Variants in DENND4C observed in about 807,000 individuals in gnomAD.
DENND4C encodes DENN domain-containing protein 4C.
Under a neutral mutation model 203.0 loss-of-function variants are expected in DENND4C, and 108 were observed. That is an observed-to-expected ratio of 0.53 (90% CI 0.46 to 0.62). The LOEUF (loss-of-function observed/expected upper bound fraction) is 0.62. Ranked by LOEUF, DENND4C falls within the 20% of genes least tolerant of loss-of-function variation. DENND4C has a pLI of 0.00. For synonymous variants in DENND4C, 871 were observed against 792.4 expected (o/e 1.10, Z -1.67); for missense variants, 2,481 against 2,301.2 (o/e 1.08, Z -1.60).
At chr9:19,297,802 T>G (rs1332881022) in intron 6 of DENND4C, among the ~76,000 whole-genome samples, 2 of 152,174 alleles carry the variant, frequency 1.3e-5, no homozygotes, top group African/African-American at 4.8e-5. Context: ...ACTATTTTTA[T>G]GTTATTTTTA....
At chr9:19,295,361 T>C (rs1350854580) in intron 5 of DENND4C, among the ~76,000 whole-genome samples, 28 of 151,860 alleles carry the variant, frequency 1.8e-4, no homozygotes, top group Admixed American at 1.8e-3. Context: ...AAAAATTAGC[T>C]AGGTGTGGTG....
Position 19,372,943 on chromosome 9 carries a change from G to A in DENND4C, c.*770G>A, listed in dbSNP as rs1175754510. 1 of 151,046 alleles carries A rather than the reference G, an allele frequency of 6.6e-6. No homozygotes were observed. The allele number at this position is 151,046 out of a possible 1,614,324, so 9.4% of individuals were successfully genotyped here. ...GGCTGTGTAGGTATGTGTATATACA[G>A]CCATATTCTAAGTGTATATTTATTA... On this transcript the variant is annotated 3_prime_UTR_variant, in exon 33 of 33. Coordinates refer to ENST00000434457, the MANE Select transcript of DENND4C (RefSeq NM_001330640.2).
chr9:19,305,368 A>G lies in DENND4C; in HGVS notation c.1328A>G (p.Gln443Arg). 6.2e-7 allele frequency: 1 copy of G among 1,601,562 alleles called. No homozygotes were observed. The change falls in exon 10 of 33, where the codon CAG (glutamine) becomes CGG (arginine). Residue 443 changes from glutamine to arginine, a missense_variant. Around this residue, in one of 3 missense-constraint regions of DENND4C, gnomAD observed 2,289 missense variants for 2,113.3 expected, o/e 1.08. Coordinates refer to ENST00000434457, the MANE Select transcript of DENND4C (RefSeq NM_001330640.2). The stretch of plus-strand genomic sequence containing the variant: ...TTTCCCCAGATGATCTTTCCATTTC[A>G]GTGGCAATGCCCATATATTCCCCTT... ...EAVVAMIFPF[Q>R]WQCPYIPLCP...
At chr9:19,275,997 A>G (rs1010372465) in intron 1 of DENND4C, among the ~76,000 whole-genome samples, 161 bp from the exon 2 acceptor site, 1 of 152,156 alleles carries the variant, frequency 6.6e-6, no homozygotes, top group Admixed American at 6.5e-5. Flanking sequence ...GCTTTTACCA[A>G]CTGACAAGAT....
intron 23 of DENND4C, among the ~76,000 whole-genome samples, chr9:19,348,327 C>T (rs1450653857): frequency 3.9e-5 from 6 of 151,904 alleles, no homozygotes; most frequent in Non-Finnish European, 7.4e-5. Flanking sequence ...ACCTTAGAAG[C>T]GATATCTCAG....
In DENND4C at chr9:19,314,666, A is replaced by C. The variant is rs377590998; in HGVS notation, c.1488-1751A>C. ...TGCTTAGAAAAAAAAACTGCATGTG[A>C]ACTGCACTGAGTGCTAAAGAAAAAT... is the stretch of plus-strand genomic sequence containing the variant. On this transcript the variant is annotated intron_variant, in intron 10 of 32. Transcript: ENST00000434457. 1.7e-4 allele frequency among the ~76,000 whole-genome samples: 26 copies of C among 152,350 alleles called. No homozygotes were observed. The East Asian group carries it at 3.7e-3, about 21-fold the overall frequency.
intron 4 of DENND4C, among the ~76,000 whole-genome samples, chr9:19,290,083 A>G (rs929545478): frequency 1.3e-5 from 2 of 152,200 alleles, no homozygotes; most frequent in Admixed American, 6.5e-5. Flanking sequence ...GATGGTCTAT[A>G]TATTGATGAC....
intron 2 of DENND4C, among the ~76,000 whole-genome samples, chr9:19,278,107 G>A (rs573897501): frequency 7.2e-6 from 1 of 138,376 alleles, no homozygotes; most frequent in Non-Finnish European, 1.6e-5. Context: ...TTGGTTGCTG[G>A]TTGTTCTCTT....
At chr9:19,312,852 C>T (rs1841017974) in intron 10 of DENND4C, among the ~76,000 whole-genome samples, 1 of 152,168 alleles carries the variant, frequency 6.6e-6, no homozygotes, top group African/African-American at 2.4e-5. Context: ...CTTTTCTTCT[C>T]ATTAATACGT....
chr9:19,292,105 A>G (rs887213614), intron 5 of DENND4C, among the ~76,000 whole-genome samples: 9 of 151,998 alleles, frequency 5.9e-5, no homozygotes, highest in Admixed American at 2.0e-4. Flanking sequence ...GCTCACTGCA[A>G]CCTCCACCTA....
chr9:19,359,095 A>G (rs1290049130), intron 28 of DENND4C, among the ~76,000 whole-genome samples: 1 of 151,840 alleles, frequency 6.6e-6, no homozygotes, highest in African/African-American at 2.4e-5. Flanking sequence ...TAAAATTTAT[A>G]GTGGAAAGGC....
intron 17 of DENND4C, among the ~76,000 whole-genome samples, chr9:19,334,022 A>G (rs1190741388): frequency 6.6e-6 from 1 of 152,008 alleles, no homozygotes; most frequent in Non-Finnish European, 1.5e-5. Flanking sequence ...GACTTCAATT[A>G]TACTTGATTT....
At position 19,296,209 on chromosome 9, in the gene DENND4C, C is replaced by G. The variant is rs1204481306; in HGVS notation, c.1003C>G (p.Leu335Val). The G allele has an allele frequency of 6.2e-7, 1 of 1,613,072 alleles. No homozygotes were observed. The highest frequency in any genetic ancestry group is 1.3e-5 in the African/African-American group (1 of 74,830). ...FRKFLMFIYK[L>V]SVSGPHPLPI... ...GAAATTTCTTATGTTTATCTACAAA[C>G]TTTCTGTGTCTGGACCACATCCTCT... Residue 335 changes from leucine to valine, a missense_variant, in exon 6 of 33, where the codon CTT (leucine) becomes GTT (valine). By Grantham distance (32) the Leu-to-Val change is conservative. Transcript: ENST00000434457.
chr9:19,236,855 A>G (rs867631817), intron 1 of DENND4C, among the ~76,000 whole-genome samples: 5 of 152,194 alleles, frequency 3.3e-5, no homozygotes, highest in African/African-American at 7.2e-5. Flanking sequence ...TTCCATTTGC[A>G]TGCTACTTTT....
intron 10 of DENND4C, among the ~76,000 whole-genome samples, chr9:19,314,471 A>G (rs570447147): frequency 1.3e-5 from 2 of 152,112 alleles, no homozygotes; most frequent in African/African-American, 2.4e-5. Context: ...AGTGTATACT[A>G]CTTGGGTGAT....
chr9:19,269,143 C>T (rs945555373), intron 1 of DENND4C, among the ~76,000 whole-genome samples: 3 of 151,950 alleles, frequency 2.0e-5, no homozygotes, highest in Non-Finnish European at 4.4e-5. Flanking sequence ...TTTGTCTCCT[C>T]TGACTGTATT....
intron 22 of DENND4C, among the ~76,000 whole-genome samples, chr9:19,344,503 G>A (rs535330060): frequency 7.3e-5 from 11 of 150,868 alleles, no homozygotes; most frequent in African/African-American, 2.7e-4. Context: ...AACTTTGTTT[G>A]TTTGTTTTTG....
chr9:19,348,651 CAA>C (rs909916198), intron 23 of DENND4C, among the ~76,000 whole-genome samples: 8 of 151,750 alleles, frequency 5.3e-5, no homozygotes, highest in African/African-American at 1.9e-4. Flanking sequence ...ACTTTATAGA[CAA>C]AATAATAATT....
intron 1 of DENND4C, among the ~76,000 whole-genome samples, chr9:19,265,006 G>T (rs1189835740): frequency 3.3e-5 from 5 of 151,962 alleles, no homozygotes; most frequent in African/African-American, 4.8e-5. Context: ...TTTGTTTCAA[G>T]AAATTTTAAA....
Sources: gnomAD v4.1 joint callset for allele counts (sites outside exome capture counted in the v4.1 genomes callset) on GRCh38, gnomAD v4.1.1 for gene constraint, gnomAD v4.1.1 regional missense constraint, MANE v1.5 for transcripts, NCBI Gene and HGNC (gene_info 2026-07-23, HGNC 2026-07-21) for gene names.